Variants in DLD observed in about 807,000 individuals in gnomAD.
DLD encodes the protein dihydrolipoamide dehydrogenase, also known as dihydrolipoyl dehydrogenase, mitochondrial.
A neutral mutation model predicts 62.2 loss-of-function variants in DLD; 36 were observed. That is an observed-to-expected ratio of 0.58 (90% CI 0.44 to 0.76). DLD has a LOEUF of 0.76. Among genes scored for constraint, DLD ranks in the 30% least tolerant of loss-of-function variants. DLD has a pLI of 0.00. For synonymous variants in DLD, 204 were observed against 199.6 expected (o/e 1.02, Z -0.19); for missense variants, 541 against 608.6 (o/e 0.89, Z 1.17).
At chr7:107,908,629 T>C (rs1030352874) in intron 8 of DLD, among the ~76,000 whole-genome samples, 1 of 149,630 alleles carries the variant, frequency 6.7e-6, no homozygotes, top group Non-Finnish European at 1.5e-5. Context: ...GTCATGCCAG[T>C]GCACTCCATC....
chr7:107,894,975 G>T (rs2031682381), intron 2 of DLD, among the ~76,000 whole-genome samples: 1 of 152,202 alleles, frequency 6.6e-6, no homozygotes, highest in South Asian at 2.1e-4. Context: ...GATACAGTAG[G>T]TAATCAGTAC....
chr7:107,908,970 C>T (rs1027711713), intron 8 of DLD, among the ~76,000 whole-genome samples: 16 of 152,158 alleles, frequency 1.1e-4, no homozygotes, highest in South Asian at 2.1e-4. Flanking sequence ...TTGTCATCAA[C>T]CTTTGGATCC....
Position 107,915,855 on chromosome 7 carries a change from C to A in DLD, c.875+159C>A, listed in dbSNP as rs75968761. 8.7e-3 allele frequency among the ~76,000 whole-genome samples: 1,325 copies of A among 152,228 alleles called. 18 individuals are homozygous for A. The highest frequency in any genetic ancestry group is 0.03 in the African/African-American group (1,254 of 41,542). On this transcript the variant is annotated intron_variant, in intron 9 of 13. Coordinates refer to ENST00000205402, the MANE Select transcript of DLD (RefSeq NM_000108.5). The stretch of plus-strand genomic sequence containing the variant: ...TGCTTATCAAATTATTGCATTAGCA[C>A]ATTGAAATTTATGATTAGGTTAATG...
At chr7:107,906,545 C>T (rs1227901293) in intron 8 of DLD, among the ~76,000 whole-genome samples, 177 bp downstream of exon 8, 2 of 152,100 alleles carry the variant, frequency 1.3e-5, no homozygotes, top group Non-Finnish European at 2.9e-5. Flanking sequence ...TATGTATTTA[C>T]TCATTTAGAA....
chr7:107,896,860 A>G (rs1430350650), intron 2 of DLD, among the ~76,000 whole-genome samples: 2 of 151,266 alleles, frequency 1.3e-5, no homozygotes, highest in Non-Finnish European at 2.9e-5. Context: ...TTTTGAGACA[A>G]AGTCTCGCTC....
At chr7:107,897,855 A>T (rs865978134) in intron 2 of DLD, among the ~76,000 whole-genome samples, 1 of 152,210 alleles carries the variant, frequency 6.6e-6, no homozygotes, top group Non-Finnish European at 1.5e-5. Context: ...CTGGGATTAC[A>T]CAGACTGACT....
rs762257577 is a variant in DLD at position 107,893,255 on chromosome 7, T to C, written c.95T>C (p.Leu32Pro). 2 of 1,613,506 alleles carry C rather than the reference T, an allele frequency of 1.2e-6. No individual in the cohort carries two copies. The highest frequency in any genetic ancestry group is 2.2e-5 in the South Asian group (2 of 90,932). ...HGLQGLSAVP[L>P]RTYADQPIDA... ...CTACAGGGACTTTCTGCAGTGCCTC[T>C]GAGAACTTACGCAGATCAGCCGAGT... Residue 32 changes from leucine to proline, a missense_variant, in exon 2 of 14, where the codon CTG becomes CCG. Leu to Pro is a moderately conservative substitution (Grantham distance 98). Transcript: ENST00000205402.
chr7:107,917,944 G>A lies in DLD; in HGVS notation c.1257G>A (p.Gly419=). The A allele has an allele frequency of 1.2e-6, 2 of 1,614,028 alleles. No individual in the cohort carries two copies. The highest frequency in any genetic ancestry group is 2.2e-5 in the South Asian group (2 of 91,070). Residue 419 remains glycine (G), a synonymous_variant, in exon 12 of 14, where the codon GGG becomes GGA. Transcript: ENST00000205402. ...CACAGGGTATTGAGTACAAAGTTGG[G>A]AAATTCCCATTTGCTGCTAACAGCA... is the stretch of plus-strand genomic sequence containing the variant. ...LKEEGIEYKV[G]KFPFAANSRA... is the part of the protein sequence containing the mutation.
intron 5 of DLD, among the ~76,000 whole-genome samples, chr7:107,903,995 T>G (rs1234768208): frequency 2.0e-5 from 3 of 152,178 alleles, no homozygotes; most frequent in African/African-American, 7.2e-5. Context: ...GAAGAGGACA[T>G]TTCATAACGT....
intron 7 of DLD, 40 bp from the exon 8 acceptor site, chr7:107,906,227 T>C: frequency 7.3e-7 from 1 of 1,362,098 alleles, no homozygotes; most frequent in Non-Finnish European, 1.0e-6. Flanking sequence ...TACTAGGTTT[T>C]TTCAAATTAT....
chr7:107,906,193 C>A, intron 7 of DLD, 74 bp from the exon 8 acceptor site: 3 of 892,774 alleles, frequency 3.4e-6, no homozygotes, highest in Non-Finnish European at 5.4e-6. Flanking sequence ...AAATTTGGAA[C>A]CCATGGATAT....
At chr7:107,905,082 C>A (rs2031971293) in intron 6 of DLD, 24 bp downstream of exon 6, 2 of 1,510,672 alleles carry the variant, frequency 1.3e-6, no homozygotes, top group Non-Finnish European at 1.8e-6. Flanking sequence ...ATTCAGATTT[C>A]TGCTTTACTT....
At chr7:107,910,118 GTGCTGGGAT>G (rs2032104885) in intron 8 of DLD, among the ~76,000 whole-genome samples, 1 of 152,176 alleles carries the variant, frequency 6.6e-6, no homozygotes, top group South Asian at 2.1e-4. Flanking sequence ...GCCTCCCAAA[GTGCTGGGAT>G]TACAGGCATG....
At chr7:107,913,854 T>A (rs1049660311) in intron 8 of DLD, among the ~76,000 whole-genome samples, 2 of 152,142 alleles carry the variant, frequency 1.3e-5, no homozygotes, top group African/African-American at 2.4e-5. Context: ...TTCAGTATGA[T>A]GTTGGCCATG....
intron 8 of DLD, among the ~76,000 whole-genome samples, chr7:107,911,056 A>T (rs762756371): frequency 3.9e-5 from 6 of 152,166 alleles, no homozygotes; most frequent in African/African-American, 1.2e-4. Flanking sequence ...GGTTTTTAGT[A>T]TATTCATAGA....
At chr7:107,897,574 CTTTTTT>C (rs35546358) in intron 2 of DLD, among the ~76,000 whole-genome samples, 3 of 111,336 alleles carry the variant, frequency 2.7e-5, no homozygotes, top group African/African-American at 7.0e-5. Flanking sequence ...TGTAGACTGA[CTTTTTT>C]TTTTTTTTTT....
At chr7:107,903,268 C>T (rs1200313728) in intron 4 of DLD, among the ~76,000 whole-genome samples, 3 of 152,174 alleles carry the variant, frequency 2.0e-5, no homozygotes, top group East Asian at 3.9e-4. Context: ...CGTGGTGATG[C>T]ATGCCTGTAA....
intron 7 of DLD, 174 bp downstream of exon 7, chr7:107,905,678 A>G (rs1408866637): frequency 2.6e-5 from 17 of 666,156 alleles, no homozygotes; most frequent in East Asian, 8.2e-5. Context: ...CTGACCAGCT[A>G]TAGAACACTT....
intron 11 of DLD, 88 bp downstream of exon 11, chr7:107,917,550 T>C (rs2032299700): frequency 1.6e-6 from 2 of 1,246,804 alleles, no homozygotes; most frequent in East Asian, 4.7e-5. Context: ...ATCATTATGC[T>C]AATATATTTA....
Sources: allele counts gnomAD v4.1 joint callset (sites outside exome capture counted in the v4.1 genomes callset), GRCh38; gene constraint gnomAD v4.1.1; transcripts MANE v1.5; gene names NCBI Gene and HGNC (gene_info 2026-07-23, HGNC 2026-07-21).